LRIG1: variants seen among roughly 807,000 people sequenced by gnomAD.
LRIG1 encodes leucine-rich repeats and immunoglobulin-like domains protein 1.
Under a neutral mutation model 99.2 loss-of-function variants are expected in LRIG1, and 48 were observed. The ratio of observed to expected loss-of-function variants is 0.48; its 90% CI spans 0.38 to 0.62. The LOEUF (loss-of-function observed/expected upper bound fraction) is 0.62. Among genes scored for constraint, LRIG1 ranks in the 20% least tolerant of loss-of-function variants. The pLI, the probability that LRIG1 is intolerant of heterozygous loss-of-function variation, is 0.00. For synonymous variants in LRIG1, 772 were observed against 596.1 expected, an observed-to-expected ratio of 1.29 and a Z score of -4.30; for missense variants, 1,646 against 1,434.4, an observed-to-expected ratio of 1.15 and a Z score of -2.38.
intron 1 of LRIG1, chr3:66,498,002 C>T (rs950897115): frequency 2.0e-5 from 3 of 152,084 alleles, no homozygotes; most frequent in African/African-American, 7.2e-5. Flanking sequence ...CTCACGGAGA[C>T]TAATGATTTA....
intron 9 of LRIG1, chr3:66,401,681 C>T (rs1489513774): frequency 2.0e-6 from 3 of 1,527,018 alleles, no homozygotes; most frequent in Admixed American, 4.0e-5. Flanking sequence ...TAATAAAAGG[C>T]TGCTGCCAGG....
intron 7 of LRIG1, among the ~76,000 whole-genome samples, chr3:66,408,219 G>A (rs139639500): frequency 6.6e-6 from 1 of 152,312 alleles, no homozygotes; most frequent in East Asian, 1.9e-4. Flanking sequence ...TAGGAAGATG[G>A]AAAATAAACT....
intron 12 of LRIG1, 99 bp downstream of exon 12, chr3:66,393,941 G>A: frequency 2.3e-6 from 3 of 1,287,772 alleles, no homozygotes; most frequent in East Asian, 2.4e-5. Context: ...CACGGGCTGG[G>A]GTTTACTCTG....
At chr3:66,422,753 T>G (rs1451098409) in intron 3 of LRIG1, among the ~76,000 whole-genome samples, 3 of 152,206 alleles carry the variant, frequency 2.0e-5, no homozygotes, top group East Asian at 1.9e-4. Context: ...TGGTACCAAT[T>G]TACTGTCTTA....
At chr3:66,489,358 C>T (rs11707069) in intron 1 of LRIG1, among the ~76,000 whole-genome samples, 138,653 of 152,152 alleles carry the variant, frequency 0.91, 64,012 homozygotes, top group Non-Finnish European at 0.99. Flanking sequence ...ATCCCATCTT[C>T]ACAAAAAATA....
At position 66,380,813 on chromosome 3, in the gene LRIG1, C is replaced by CA; in HGVS notation, c.2818dup (p.Cys940LeufsTer32). 1 of 1,614,240 alleles carries CA rather than the reference C, an allele frequency of 6.2e-7. No homozygotes were observed. Among genetic ancestry groups the CA allele is most frequent in the Non-Finnish European group, 8.5e-7 (1 of 1,180,054 alleles). On this transcript the variant is annotated frameshift_variant, in exon 18 of 19. Transcript: ENST00000273261. LOFTEE classifies it high-confidence loss of function. ...GTGGAAGGCTTGTCCCCTGGAGTAA[C>CA]AGTCCACTTCGGTGTTGCAGTCACT...
intron 7 of LRIG1, among the ~76,000 whole-genome samples, chr3:66,409,431 T>TC (rs1475752188): frequency 6.6e-6 from 1 of 152,184 alleles, no homozygotes; most frequent in East Asian, 1.9e-4. Flanking sequence ...TCACTACTAA[T>TC]CTCAGAACTT....
chr3:66,461,021 A>C (rs1467988165), intron 2 of LRIG1, among the ~76,000 whole-genome samples: 1 of 152,230 alleles, frequency 6.6e-6, no homozygotes, highest in Admixed American at 6.5e-5. Flanking sequence ...TCAAAGAATA[A>C]CAAGTAAGCC....
chr3:66,408,377 G>A (rs1447671140), intron 7 of LRIG1, among the ~76,000 whole-genome samples: 1 of 152,192 alleles, frequency 6.6e-6, no homozygotes. Flanking sequence ...TAGCTTAAAG[G>A]AGGGGTGGGA....
intron 1 of LRIG1, among the ~76,000 whole-genome samples, chr3:66,485,517 G>A (rs972242064): frequency 6.6e-6 from 1 of 152,192 alleles, no homozygotes; most frequent in African/African-American, 2.4e-5. Flanking sequence ...GTCTCAGTCT[G>A]CAAATTATCT....
chr3:66,397,911 C>G (rs527239739), intron 11 of LRIG1, among the ~76,000 whole-genome samples: 1 of 152,364 alleles, frequency 6.6e-6, no homozygotes, highest in East Asian at 1.9e-4. Context: ...ATAGCCACAC[C>G]CACCTGCTTA....
chr3:66,487,218 A>C lies in LRIG1; in HGVS notation c.218+12972T>G, dbSNP rs1351228481. Among the ~76,000 whole-genome samples, 3 of 152,210 alleles carry C rather than the reference A, an allele frequency of 2.0e-5. No individual in the cohort carries two copies. In the South Asian group the frequency reaches 6.2e-4, roughly 32 times the overall value. Reference sequence around the variant, plus strand: ...AAAATCAGACAAACCACAAGCTATGACTTCTCATTGAGGGGCCACACTGCA... The same window carrying C: ...AAAATCAGACAAACCACAAGCTATGCCTTCTCATTGAGGGGCCACACTGCA... On this transcript the variant is annotated intron_variant, in intron 1 of 18. Coordinates refer to ENST00000273261, the MANE Select transcript of LRIG1 (RefSeq NM_015541.3).
intron 5 of LRIG1, among the ~76,000 whole-genome samples, chr3:66,414,371 G>A (rs1012824304): frequency 6.6e-6 from 1 of 151,842 alleles, no homozygotes; most frequent in Non-Finnish European, 1.5e-5. Flanking sequence ...CACCCCACCT[G>A]GGGGACAGAG....
intron 9 of LRIG1, among the ~76,000 whole-genome samples, chr3:66,403,842 G>A (rs931500574): frequency 3.3e-5 from 5 of 152,298 alleles, no homozygotes; most frequent in South Asian, 2.1e-4. Flanking sequence ...GGTTATGGCC[G>A]AGGTCAGGGA....
chr3:66,426,842 G>C (rs1365333213), intron 3 of LRIG1, among the ~76,000 whole-genome samples: 2 of 152,134 alleles, frequency 1.3e-5, no homozygotes, highest in Non-Finnish European at 2.9e-5. Context: ...TAAGATCTAA[G>C]AAGCTGTGCC....
At chr3:66,447,020 C>T (rs1284578018) in intron 3 of LRIG1, among the ~76,000 whole-genome samples, 12 of 152,032 alleles carry the variant, frequency 7.9e-5, no homozygotes, top group Non-Finnish European at 1.3e-4. Context: ...ACACTGAGAA[C>T]GTACTACAAG....
chr3:66,440,973 G>T (rs777928989), intron 3 of LRIG1, among the ~76,000 whole-genome samples: 1 of 152,114 alleles, frequency 6.6e-6, no homozygotes, highest in African/African-American at 2.4e-5. Flanking sequence ...CTGAATCAGC[G>T]TAAGGTGAAG....
At chr3:66,499,181 A>ACTATT (rs1423479784) in intron 1 of LRIG1, among the ~76,000 whole-genome samples, 3 of 134,662 alleles carry the variant, frequency 2.2e-5, no homozygotes, top group Non-Finnish European at 4.8e-5. Context: ...GTAAAAGAAG[A>ACTATT]CTATTCTATT....
chr3:66,497,092 TG>T (rs1179605719), intron 1 of LRIG1, among the ~76,000 whole-genome samples: 1 of 152,248 alleles, frequency 6.6e-6, no homozygotes, highest in African/African-American at 2.4e-5. Context: ...TAACCACACT[TG>T]GTATACACTT....
Sources: gnomAD v4.1 joint callset for allele counts (sites outside exome capture counted in the v4.1 genomes callset) on GRCh38, gnomAD v4.1.1 for gene constraint, MANE v1.5 for transcripts, NCBI Gene and HGNC (gene_info 2026-07-23, HGNC 2026-07-21) for gene names.